The following FARP2 variants were observed in gnomAD, a reference collection of about 807,000 sequenced individuals.
FARP2 encodes FERM, ARHGEF and pleckstrin domain-containing protein 2.
Under a neutral mutation model 130.5 loss-of-function variants are expected in FARP2, and 111 were observed. The ratio of observed to expected loss-of-function variants is 0.85; its 90% CI spans 0.73 to 1.00. The LOEUF (loss-of-function observed/expected upper bound fraction) is 1.00. Among genes scored for constraint, FARP2 ranks in the 50% least tolerant of loss-of-function variants. The pLI, the probability that FARP2 is intolerant of heterozygous loss-of-function variation, is 0.00. For synonymous variants in FARP2, 504 were observed against 516.9 expected (o/e 0.98, Z 0.34); for missense variants, 1,385 against 1,346.3 (o/e 1.03, Z -0.45).
At chr2:241,394,790 T>C (rs1247469083) in intron 2 of FARP2, among the ~76,000 whole-genome samples, 1 of 152,226 alleles carries the variant, frequency 6.6e-6, no homozygotes, top group Admixed American at 6.5e-5. Context: ...GCACCCATCA[T>C]GGAATCAAAG....
intron 19 of FARP2, among the ~76,000 whole-genome samples, chr2:241,477,557 T>G (rs1247138392): frequency 6.6e-6 from 1 of 152,252 alleles, no homozygotes; most frequent in East Asian, 1.9e-4. Flanking sequence ...GACGTTCATG[T>G]ACAAGTTTTG....
intron 8 of FARP2, among the ~76,000 whole-genome samples, chr2:241,423,799 C>T (rs2062866278): frequency 1.3e-5 from 2 of 152,080 alleles, no homozygotes; most frequent in Non-Finnish European, 2.9e-5. Context: ...CAGAAAAAAA[C>T]AAGGCTTGCA....
intron 22 of FARP2, 90 bp from the exon 23 acceptor site, chr2:241,490,971 A>G (rs2064877459): frequency 2.2e-6 from 2 of 928,910 alleles, no homozygotes; most frequent in African/African-American, 1.6e-5. Flanking sequence ...ATGTGAGAGA[A>G]CAGGTGCCCT....
chr2:241,372,731 G>C (rs57318138), intron 1 of FARP2: 3,293 of 155,840 alleles, frequency 0.021, 112 homozygotes, highest in African/African-American at 0.068. Context: ...GGGCAGCCTA[G>C]GGTTGGTGTG....
chr2:241,444,282 G>A (rs1429210200), intron 13 of FARP2: 2 of 152,200 alleles, frequency 1.3e-5, no homozygotes, highest in Admixed American at 6.5e-5. Context: ...GGACTGTTTG[G>A]GAGGTTCTTC....
intron 13 of FARP2, among the ~76,000 whole-genome samples, chr2:241,454,946 T>C (rs975092438): frequency 6.6e-6 from 1 of 152,172 alleles, no homozygotes; most frequent in Non-Finnish European, 1.5e-5. Flanking sequence ...GGCTCCTGAT[T>C]TGTCAATGTG....
intron 12 of FARP2, among the ~76,000 whole-genome samples, chr2:241,439,831 G>T (rs1402468565): frequency 1.3e-5 from 2 of 151,992 alleles, no homozygotes; most frequent in African/African-American, 4.8e-5. Flanking sequence ...CATGGTAGGC[G>T]CGTATAATCC....
At chr2:241,369,985 C>G (rs1373124183) in intron 1 of FARP2, among the ~76,000 whole-genome samples, 1 of 152,030 alleles carries the variant, frequency 6.6e-6, no homozygotes, top group Non-Finnish European at 1.5e-5. Context: ...TATATTCTCA[C>G]TCATATGTGG....
intron 8 of FARP2, among the ~76,000 whole-genome samples, chr2:241,428,760 A>T (rs1409764972): frequency 2.6e-5 from 4 of 152,110 alleles, no homozygotes; most frequent in Non-Finnish European, 5.9e-5. Flanking sequence ...CGTTTTCATC[A>T]TCCCAAAAAG....
chr2:241,423,463 A>G (rs981235205), intron 8 of FARP2, among the ~76,000 whole-genome samples: 1 of 152,234 alleles, frequency 6.6e-6, no homozygotes, highest in African/African-American at 2.4e-5. Context: ...TGAAGGAAGC[A>G]CTAAATACAG....
Position 241,468,078 on chromosome 2 carries a change from C to T in FARP2, c.1894-62C>T. 3 of 1,120,922 alleles carry T rather than the reference C, an allele frequency of 2.7e-6. No individual in the cohort carries two copies. The Admixed American group carries it at 5.1e-5, about 19-fold the overall frequency. 69.4% of individuals were successfully genotyped at this position (1,120,922 alleles called of 1,614,324 possible). A position where few individuals can be genotyped will look rare whatever the true frequency, so the allele number is the denominator to read the frequency against. On this transcript the variant is annotated intron_variant, in intron 17 of 26. Transcript: ENST00000264042. ...GGCACCTGCCATCAAGGAAAACAGG[C>T]CAGTCTCCCCCTGGACTCCTACATC...
At chr2:241,422,048 A>G (rs150178550) in intron 8 of FARP2, among the ~76,000 whole-genome samples, 3,285 of 152,064 alleles carry the variant, frequency 0.022, 115 homozygotes, top group African/African-American at 0.069. Flanking sequence ...GGAGGCTGAG[A>G]CAGGAGAATC....
chr2:241,453,986 A>G (rs374094961), intron 13 of FARP2, among the ~76,000 whole-genome samples: 11 of 151,626 alleles, frequency 7.3e-5, no homozygotes, highest in African/African-American at 1.7e-4. Flanking sequence ...GGGTTTCACC[A>G]TCTTGGCCAA....
At chr2:241,483,600 C>T (rs1326284741) in intron 20 of FARP2, 67 bp downstream of exon 20, 5 of 1,509,302 alleles carry the variant, frequency 3.3e-6, no homozygotes, top group Non-Finnish European at 9.2e-7. Flanking sequence ...CTGTTAGGGA[C>T]ATCGCCTGCA....
intron 11 of FARP2, among the ~76,000 whole-genome samples, chr2:241,435,581 G>A (rs1489244010): frequency 1.1e-4 from 16 of 147,514 alleles, no homozygotes; most frequent in Non-Finnish European, 2.2e-4. Context: ...GTGCGATCTC[G>A]GCTCACTGCA....
chr2:241,452,890 G>A (rs1392982672), intron 13 of FARP2, among the ~76,000 whole-genome samples: 5 of 151,358 alleles, frequency 3.3e-5, no homozygotes, highest in African/African-American at 9.7e-5. Flanking sequence ...GCAGTGAGCC[G>A]AGATCATGCC....
intron 18 of FARP2, chr2:241,471,295 G>A (rs77983012): frequency 3.2e-4 from 49 of 150,940 alleles, no homozygotes; most frequent in Non-Finnish European, 6.3e-4. Flanking sequence ...TGAGGGGGAC[G>A]CTGTTGTGAG....
At chr2:241,394,911 T>C (rs1009858728) in intron 2 of FARP2, among the ~76,000 whole-genome samples, 1 of 152,210 alleles carries the variant, frequency 6.6e-6, no homozygotes, top group Non-Finnish European at 1.5e-5. Flanking sequence ...AGGAGGGGCA[T>C]GAGCCCTCGC....
intron 2 of FARP2, among the ~76,000 whole-genome samples, chr2:241,375,473 A>T (rs2061516304): frequency 6.6e-6 from 1 of 152,178 alleles, no homozygotes; most frequent in Non-Finnish European, 1.5e-5. Context: ...AAAAAAGCAC[A>T]CATTTGTTGT....
Sources: gnomAD v4.1 joint callset for allele counts (sites outside exome capture counted in the v4.1 genomes callset) on GRCh38, gnomAD v4.1.1 for gene constraint, MANE v1.5 for transcripts, NCBI Gene and HGNC (gene_info 2026-07-23, HGNC 2026-07-21) for gene names.